Variants in KALRN observed in about 807,000 individuals in gnomAD.
The protein encoded by KALRN is kalirin RhoGEF kinase.
In KALRN, 70 loss-of-function variants were observed where a neutral mutation model predicts 353.7. The ratio of observed to expected loss-of-function variants is 0.20; its 90% confidence interval spans 0.16 to 0.24. The LOEUF (loss-of-function observed/expected upper bound fraction) is 0.24. KALRN is among the 10% of genes least tolerant of loss of function. The probability of loss-of-function intolerance (pLI) is 1.00; values close to 1 mark genes in which losing one functional copy is unlikely to be tolerated. For synonymous variants in KALRN, 1,391 were observed against 1,434.8 expected (o/e 0.97, Z 0.69); for missense variants, 2,791 against 3,756.7 (o/e 0.74, Z 6.72).
intron 49 of KALRN, among the ~76,000 whole-genome samples, chr3:124,677,886 T>C (rs1035487723): frequency 6.6e-6 from 1 of 152,248 alleles, no homozygotes; most frequent in Admixed American, 6.5e-5. Context: ...CTGTGAGGCA[T>C]CATGGGTATG....
chr3:124,383,016 T>A (rs1196555796), intron 10 of KALRN, among the ~76,000 whole-genome samples: 1 of 152,214 alleles, frequency 6.6e-6, no homozygotes, highest in African/African-American at 2.4e-5. Flanking sequence ...AATTTCCCAG[T>A]TGGGGCCAAG....
intron 14 of KALRN, among the ~76,000 whole-genome samples, chr3:124,421,283 G>T (rs943585962): frequency 6.6e-6 from 1 of 152,132 alleles, no homozygotes; most frequent in Non-Finnish European, 1.5e-5. Context: ...AACAACATGT[G>T]TCACAACTTG....
At chr3:124,204,492 A>T (rs957936670) in intron 1 of KALRN, among the ~76,000 whole-genome samples, 3 of 152,212 alleles carry the variant, frequency 2.0e-5, no homozygotes, top group African/African-American at 7.2e-5. Context: ...ACTGCCTGTA[A>T]CCACTCCATA....
At position 124,477,372 on chromosome 3, in the gene KALRN, A is replaced by G. The variant is rs374997267; in HGVS notation, c.4191+38A>G. On this transcript the variant is annotated intron_variant, in intron 27 of 59. Transcript: ENST00000682506. ...TTCCATTCTTGAGCAGCTGATGAGC[A>G]GGTGGAAATGCTTCTCTGCTTTGGC... 11 of 1,443,744 alleles carry G rather than the reference A, an allele frequency of 7.6e-6. No homozygotes were observed. The African/African-American group carries it at 8.4e-5, about 11-fold the overall frequency. 89.4% of individuals were successfully genotyped at this position (1,443,744 alleles called of 1,614,324 possible).
At position 124,413,658 on chromosome 3, in the gene KALRN, G is replaced by C; in HGVS notation, c.2535G>C (p.Gln845His). ...TGCACCAGTACATCACGGAGGTCCA[G>C]GCATCAGGTGGGTGACCTCGCTCAT... The part of the protein sequence containing the change: ...QDLHQYITEV[Q>H]ASGIELICEK... The change falls in exon 14 of 60, where the codon CAG becomes CAC. Residue 845 changes from glutamine (Q) to histidine (H), a missense_variant. Gln to His is a conservative substitution (Grantham distance 24). Around this residue, in one of 11 missense-constraint regions of KALRN, gnomAD observed 452 missense variants for 575.8 expected, o/e 0.78. Coordinates refer to ENST00000682506, the MANE Select transcript of KALRN (RefSeq NM_001388419.1). The C allele has an allele frequency of 6.2e-7, 1 of 1,613,322 alleles. No individual in the cohort carries two copies. The highest frequency in any genetic ancestry group is 8.5e-7 in the Non-Finnish European group (1 of 1,179,504).
chr3:124,278,957 C>T (rs978393106), intron 5 of KALRN, among the ~76,000 whole-genome samples: 4 of 152,316 alleles, frequency 2.6e-5, no homozygotes, highest in East Asian at 1.9e-4. Flanking sequence ...TACCATTTTC[C>T]CTGTTCCTCT....
intron 29 of KALRN, 160 bp downstream of exon 29, chr3:124,488,475 C>T (rs368674233): frequency 1.7e-6 from 1 of 599,186 alleles, no homozygotes. Context: ...GAGAGGGGCT[C>T]CACAAGGACC....
chr3:124,310,366 A>G (rs763074531), intron 6 of KALRN, among the ~76,000 whole-genome samples: 2 of 152,216 alleles, frequency 1.3e-5, no homozygotes, highest in Admixed American at 1.3e-4. Flanking sequence ...AATCCAGTAT[A>G]TCTCTATCAG....
intron 5 of KALRN, among the ~76,000 whole-genome samples, chr3:124,294,607 C>T (rs569123820): frequency 7.0e-6 from 1 of 141,970 alleles, no homozygotes; most frequent in East Asian, 2.2e-4. Context: ...TCACTGCAAC[C>T]TCCGCCTCCC....
At chr3:124,665,288 G>A (rs116588191) in intron 45 of KALRN, among the ~76,000 whole-genome samples, 441 of 152,302 alleles carry the variant, frequency 2.9e-3, no homozygotes, top group African/African-American at 9.5e-3. Flanking sequence ...CTCTGACAGA[G>A]TCTGGGAAGA....
chr3:124,409,473 G>C (rs1203412388), intron 13 of KALRN, among the ~76,000 whole-genome samples: 1 of 152,182 alleles, frequency 6.6e-6, no homozygotes, highest in Non-Finnish European at 1.5e-5. Flanking sequence ...AGCTCTTCAT[G>C]CCAGAGGGTT....
At chr3:124,417,694 C>T (rs75719067) in intron 14 of KALRN, among the ~76,000 whole-genome samples, 3,297 of 152,292 alleles carry the variant, frequency 0.022, 114 homozygotes, top group African/African-American at 0.074. Flanking sequence ...GTTGAAATCC[C>T]GGCCACATGT....
chr3:124,223,540 T>A (rs2078149080), intron 1 of KALRN, among the ~76,000 whole-genome samples: 1 of 152,082 alleles, frequency 6.6e-6, no homozygotes, highest in Non-Finnish European at 1.5e-5. Flanking sequence ...ATTAAAGGGG[T>A]GTGACTGAGA....
At chr3:124,261,841 A>G (rs1480544192) in intron 3 of KALRN, among the ~76,000 whole-genome samples, 1 of 152,222 alleles carries the variant, frequency 6.6e-6, no homozygotes. Context: ...TGGGCATGCA[A>G]CAAATATAAG....
chr3:124,706,703 G>A (rs2062633705), intron 57 of KALRN, among the ~76,000 whole-genome samples: 1 of 151,826 alleles, frequency 6.6e-6, no homozygotes, highest in Non-Finnish European at 1.5e-5. Context: ...CCGAGCAGCT[G>A]GAATTACAGG....
intron 18 of KALRN, among the ~76,000 whole-genome samples, chr3:124,440,103 C>T (rs567543498): frequency 2.9e-4 from 44 of 151,958 alleles, no homozygotes; most frequent in African/African-American, 1.0e-3. Flanking sequence ...GTATCCGCAC[C>T]TATATGGGTC....
At chr3:124,241,791 G>A (rs147350701) in intron 3 of KALRN, among the ~76,000 whole-genome samples, 144 of 152,290 alleles carry the variant, frequency 9.5e-4, no homozygotes, top group African/African-American at 3.5e-3. Context: ...ATACAGCCTC[G>A]CTGTTGACTG....
rs796628603 is a variant in KALRN at position 124,642,806 on chromosome 3, G to GTTGTTTT, written c.5664+5505_5664+5506insGTTTTTT. ...TCTGTGGAAGAGATTCCCAAGCCTC[G>GTTGTTTT]TTTTTTTTTTTTTTTTTTTTGAGAC... On this transcript the variant is annotated intron_variant, in intron 37 of 59. Transcript: ENST00000682506. Among the ~76,000 whole-genome samples, 82 of 96,788 alleles carry GTTGTTTT rather than the reference G, an allele frequency of 8.5e-4. 3 individuals are homozygous for GTTGTTTT. Among genetic ancestry groups the GTTGTTTT allele is most frequent in the East Asian group, 2.9e-3 (6 of 2,100 alleles). The allele number at this position is 96,788 out of a possible 152,430, so 63.5% of individuals were successfully genotyped here. A position where few individuals can be genotyped will look rare whatever the true frequency, so the allele number is the denominator to read the frequency against.
chr3:124,245,334 C>T (rs2080992144), intron 3 of KALRN, among the ~76,000 whole-genome samples: 1 of 152,122 alleles, frequency 6.6e-6, no homozygotes, highest in South Asian at 2.1e-4. Context: ...CTTTTTATGG[C>T]TGAAGAGTAC....
Sources: gnomAD v4.1 joint callset for allele counts (sites outside exome capture counted in the v4.1 genomes callset) on GRCh38, gnomAD v4.1.1 for gene constraint, gnomAD v4.1.1 regional missense constraint, MANE v1.5 for transcripts, NCBI Gene and HGNC (gene_info 2026-07-23, HGNC 2026-07-21) for gene names.